The following DNAH8 variants were observed in gnomAD, a reference collection of about 807,000 sequenced individuals.
The protein encoded by DNAH8 is axonemal beta dynein heavy chain 8.
DNAH8 carries 382 observed loss-of-function variants against 562.1 expected under a neutral mutation model. The ratio of observed to expected loss-of-function variants is 0.68; its 90% confidence interval spans 0.63 to 0.74. The LOEUF (loss-of-function observed/expected upper bound fraction) is 0.74, where lower values mean the gene tolerates loss of function less well. Among genes scored for constraint, DNAH8 ranks in the 30% least tolerant of loss-of-function variants. DNAH8 has a pLI of 0.00. For missense variants in DNAH8, 5,203 were observed against 5,620.4 expected (o/e 0.93, Z 2.37); for synonymous variants, 1,881 against 1,919.4 (o/e 0.98, Z 0.52).
intron 61 of DNAH8, 110 bp from the exon 62 acceptor site, chr6:38,899,666 A>C (rs914554522): frequency 3.3e-6 from 4 of 1,199,998 alleles, no homozygotes; most frequent in Non-Finnish European, 4.7e-6. Flanking sequence ...ACGAGGAAAA[A>C]GTCTAATATC....
intron 45 of DNAH8, 97 bp downstream of exon 45, chr6:38,864,157 AGGAG>A: frequency 1.9e-6 from 2 of 1,073,300 alleles, no homozygotes; most frequent in Non-Finnish European, 1.3e-6. Flanking sequence ...CCAACTATCC[AGGAG>A]TTATAAGCTG....
intron 91 of DNAH8, among the ~76,000 whole-genome samples, chr6:39,022,953 T>C (rs1424440426): frequency 6.6e-6 from 1 of 152,228 alleles, no homozygotes; most frequent in Non-Finnish European, 1.5e-5. Context: ...GTCATTATGC[T>C]TTATGGGTTT....
chr6:38,981,028 AGTGTGTGTGTGT>A lies in DNAH8; in HGVS notation c.12835-1295_12835-1284del, dbSNP rs368543739. On this transcript the variant is annotated intron_variant, in intron 85 of 92. Coordinates refer to ENST00000327475, the MANE Select transcript of DNAH8 (RefSeq NM_001206927.2). Reference sequence around the variant, plus strand: ...GATTGGAATGGCTTGTGAAAACGGCAGTGTGTGTGTGTGTGTGTGTGTGTGTGTGTGTGTTGA... The same window carrying A: ...GATTGGAATGGCTTGTGAAAACGGCAGTGTGTGTGTGTGTGTGTGTGTTGA... 4.6e-3 allele frequency among the ~76,000 whole-genome samples: 667 copies of A among 145,714 alleles called. 5 individuals are homozygous for A. Among genetic ancestry groups the A allele is most frequent in the African/African-American group, 0.016 (626 of 39,496 alleles).
rs16891196 is a variant in DNAH8, at chr6:38,889,523, G to A, written c.8474-1129G>A. On this transcript the variant is annotated intron_variant, in intron 57 of 92. Coordinates refer to ENST00000327475, the MANE Select transcript of DNAH8 (RefSeq NM_001206927.2). ...TACATGAGCGTTTGTTATTTGTTAA[G>A]CTATTTGACATACTCTTCAGTATGA... Among the ~76,000 whole-genome samples the A allele has an allele frequency of 0.01, 1,564 of 152,246 alleles. 89 individuals are homozygous for A. The East Asian group carries it at 0.15, about 14-fold the overall frequency.
At chr6:38,904,819 A>G in intron 62 of DNAH8, among the ~76,000 whole-genome samples, 1 of 151,088 alleles carries the variant, frequency 6.6e-6, no homozygotes, top group South Asian at 2.1e-4. Context: ...AAAAGAAAGA[A>G]TCTGAAAATG....
chr6:38,945,977 C>T (rs1022947699), intron 80 of DNAH8, among the ~76,000 whole-genome samples: 2 of 152,040 alleles, frequency 1.3e-5, no homozygotes, highest in African/African-American at 4.8e-5. Flanking sequence ...TGAGGTCCCT[C>T]TAAAAAATTA....
intron 91 of DNAH8, among the ~76,000 whole-genome samples, chr6:39,026,251 G>A (rs1767270931): frequency 6.6e-6 from 1 of 152,186 alleles, no homozygotes; most frequent in Non-Finnish European, 1.5e-5. Context: ...TGGGTTACAA[G>A]CCTTTAAGAC....
intron 91 of DNAH8, among the ~76,000 whole-genome samples, chr6:39,017,667 G>A (rs1308047908): frequency 1.3e-5 from 2 of 152,148 alleles, no homozygotes; most frequent in South Asian, 2.1e-4. Context: ...GTCTTGACAA[G>A]CCATGCCAGT....
At chr6:38,785,926 A>G (rs1444383340) in intron 17 of DNAH8, among the ~76,000 whole-genome samples, 1 of 152,240 alleles carries the variant, frequency 6.6e-6, no homozygotes, top group African/African-American at 2.4e-5. Context: ...TTATTTTACT[A>G]GAAGTTTGAT....
chr6:38,739,684 G>C (rs952222762), intron 7 of DNAH8, among the ~76,000 whole-genome samples: 11 of 152,046 alleles, frequency 7.2e-5, no homozygotes, highest in African/African-American at 2.7e-4. Flanking sequence ...ACCATTACCA[G>C]CGCCTTAAAA....
chr6:38,944,063 C>A (rs183206516), intron 79 of DNAH8, among the ~76,000 whole-genome samples: 1 of 152,234 alleles, frequency 6.6e-6, no homozygotes, highest in Non-Finnish European at 1.5e-5. Context: ...CTCCTGGTGT[C>A]TCTAAAGCTC....
intron 91 of DNAH8, among the ~76,000 whole-genome samples, chr6:39,017,349 C>CTGTG (rs763837530): frequency 1.1e-4 from 16 of 152,030 alleles, no homozygotes; most frequent in Non-Finnish European, 1.6e-4. Flanking sequence ...CATGTCTGTG[C>CTGTG]TGTGTGTGGG....
intron 38 of DNAH8, 46 bp from the exon 39 acceptor site, chr6:38,851,525 AG>A: frequency 1.8e-6 from 2 of 1,123,086 alleles, no homozygotes; most frequent in South Asian, 2.7e-5. Flanking sequence ...ATAATAATTT[AG>A]GGGAAAAAAA....
chr6:38,783,380 G>C (rs1768834013), intron 17 of DNAH8, among the ~76,000 whole-genome samples: 1 of 152,122 alleles, frequency 6.6e-6, no homozygotes, highest in African/African-American at 2.4e-5. Context: ...CCAAAAACCA[G>C]TATTTGAAAG....
intron 91 of DNAH8, among the ~76,000 whole-genome samples, chr6:39,019,375 A>G (rs1252828171): frequency 6.6e-6 from 1 of 152,228 alleles, no homozygotes; most frequent in East Asian, 1.9e-4. Flanking sequence ...TCTCTGTCTG[A>G]AGCAGGAGGT....
At chr6:38,915,853 TAC>T (rs3047885) in intron 68 of DNAH8, among the ~76,000 whole-genome samples, 83,001 of 150,638 alleles carry the variant, frequency 0.55, 23,921 homozygotes, top group East Asian at 0.85. Flanking sequence ...CACACACACA[TAC>T]ACACACACAC....
intron 32 of DNAH8, among the ~76,000 whole-genome samples, chr6:38,836,832 G>C (rs969758820): frequency 1.3e-5 from 2 of 152,140 alleles, no homozygotes; most frequent in African/African-American, 4.8e-5. Flanking sequence ...TGACAAAGCT[G>C]ATACTTTATT....
chr6:38,834,721 T>TCTATTAAAAAG, intron 32 of DNAH8, 80 bp downstream of exon 32: 1 of 1,142,930 alleles, frequency 8.7e-7, no homozygotes, highest in Non-Finnish European at 1.3e-6. Flanking sequence ...GTTTTACTTT[T>TCTATTAAAAAG]TAATAGAAAA....
chr6:38,942,543 G>C (rs901321531), intron 79 of DNAH8, among the ~76,000 whole-genome samples: 2 of 152,212 alleles, frequency 1.3e-5, no homozygotes, highest in African/African-American at 4.8e-5. Context: ...CACCATGGAA[G>C]CAGGGGAATG....
Sources: gnomAD v4.1 joint callset for allele counts (sites outside exome capture counted in the v4.1 genomes callset) on GRCh38, gnomAD v4.1.1 for gene constraint, MANE v1.5 for transcripts, NCBI Gene and HGNC (gene_info 2026-07-23, HGNC 2026-07-21) for gene names.